The following PUM1 variants were observed in gnomAD, a reference collection of about 807,000 sequenced individuals.
PUM1 encodes the protein pumilio homolog 1.
PUM1 carries 13 observed loss-of-function variants against 131.8 expected under a neutral mutation model. The observed-to-expected ratio is 0.10, with a 90% CI of 0.06 to 0.16. The LOEUF (loss-of-function observed/expected upper bound fraction) is 0.16. PUM1 is among the 10% of genes least tolerant of loss of function. The probability of loss-of-function intolerance (pLI) is 1.00; values close to 1 mark genes in which losing one functional copy is unlikely to be tolerated. For synonymous variants in PUM1, 509 were observed against 556.5 expected (o/e 0.91, Z 1.20); for missense variants, 961 against 1,512.4 (o/e 0.64, Z 6.05).
intron 5 of PUM1, among the ~76,000 whole-genome samples, chr1:31,000,841 G>C (rs995102836): frequency 6.6e-6 from 1 of 152,164 alleles, no homozygotes; most frequent in African/African-American, 2.4e-5. Flanking sequence ...TGATTCCTTT[G>C]AAGTACAACA....
intron 3 of PUM1, among the ~76,000 whole-genome samples, chr1:31,028,003 T>C (rs917523095): frequency 2.0e-5 from 3 of 152,212 alleles, no homozygotes; most frequent in African/African-American, 7.2e-5. Flanking sequence ...CAAATGTCAC[T>C]TGTGGGCCTG....
chr1:30,975,476 T>G (rs1234684365), intron 9 of PUM1, among the ~76,000 whole-genome samples: 1 of 149,738 alleles, frequency 6.7e-6, no homozygotes, highest in Non-Finnish European at 1.5e-5. Flanking sequence ...TCAGCCTCCC[T>G]AATACCTGGG....
intron 7 of PUM1, among the ~76,000 whole-genome samples, chr1:30,984,868 G>A (rs1641487569): frequency 6.6e-6 from 1 of 151,844 alleles, no homozygotes; most frequent in Admixed American, 6.6e-5. Flanking sequence ...TTCTAAACCT[G>A]GAGGAGTAAT....
At chr1:30,933,857 T>C (rs1350540803) in intron 21 of PUM1, among the ~76,000 whole-genome samples, 2 of 152,132 alleles carry the variant, frequency 1.3e-5, no homozygotes, top group Non-Finnish European at 2.9e-5. Context: ...AGCTAATCAA[T>C]GACAAGAAGA....
intron 14 of PUM1, 118 bp downstream of exon 14, chr1:30,964,556 A>G (rs1640547150): frequency 4.7e-6 from 4 of 847,268 alleles, no homozygotes; most frequent in Non-Finnish European, 7.8e-6. Flanking sequence ...AAGGCACAGA[A>G]CACCCAGGAC....
At chr1:30,954,249 C>T (rs949299058) in intron 14 of PUM1, among the ~76,000 whole-genome samples, 17 of 152,106 alleles carry the variant, frequency 1.1e-4, no homozygotes, top group Non-Finnish European at 2.4e-4. Flanking sequence ...TTAGCATGGC[C>T]CCTAGTAAAT....
At chr1:31,017,060 C>T (rs1463455194) in intron 3 of PUM1, among the ~76,000 whole-genome samples, 1 of 152,098 alleles carries the variant, frequency 6.6e-6, no homozygotes, top group East Asian at 1.9e-4. Flanking sequence ...ATCAACACTG[C>T]TTTTCTGACT....
At chr1:31,013,146 T>G (rs1642683047) in intron 3 of PUM1, among the ~76,000 whole-genome samples, 1 of 152,218 alleles carries the variant, frequency 6.6e-6, no homozygotes, top group Non-Finnish European at 1.5e-5. Flanking sequence ...TGGCATCACC[T>G]AGGCCATGTC....
At chr1:31,056,795 T>C (rs1257903843) in intron 2 of PUM1, among the ~76,000 whole-genome samples, 1 of 151,370 alleles carries the variant, frequency 6.6e-6, no homozygotes, top group East Asian at 1.9e-4. Context: ...CCCAGCTAAT[T>C]TTTTACTTTA....
rs1221159272 is a variant in PUM1 at position 31,005,884 on chromosome 1, G to A, written c.689C>T (p.Pro230Leu). Residue 230 changes from proline (P) to leucine (L), a missense_variant, in exon 5 of 22, where the codon CCG becomes CTG. Around this residue, in one of 4 missense-constraint regions of PUM1, gnomAD observed 654 missense variants for 923.9 expected, o/e 0.71. Transcript: ENST00000426105. ...TCCTTTTCTTAGACAGGAATCGCCC[G>A]GGGATGAGCTCAACACATACTCCAC... ...SMVEYVLSSS[P>L]GDSCLRKGGF... is the part of the protein sequence containing the mutation. 8 of 1,607,870 alleles carry A rather than the reference G, an allele frequency of 5.0e-6. No individual in the cohort carries two copies. The highest frequency in any genetic ancestry group is 1.1e-5 in the South Asian group (1 of 89,776).
At chr1:31,037,672 A>G (rs1643657331) in intron 2 of PUM1, among the ~76,000 whole-genome samples, 1 of 151,992 alleles carries the variant, frequency 6.6e-6, no homozygotes, top group Non-Finnish European at 1.5e-5. Context: ...GCACCACTGC[A>G]CTCCAGCCCG....
At chr1:31,030,842 A>C (rs186527206) in intron 2 of PUM1, among the ~76,000 whole-genome samples, 15 of 152,350 alleles carry the variant, frequency 9.8e-5, no homozygotes, top group Non-Finnish European at 1.8e-4. Context: ...TATTTTAAAA[A>C]CGCACAGCCA....
chr1:31,056,609 CTTTTTTTTTTTTTTTTTTTTTTTT>C (rs57685772), intron 2 of PUM1, among the ~76,000 whole-genome samples: 1 of 43,690 alleles, frequency 2.3e-5, no homozygotes, highest in Non-Finnish European at 4.0e-5. Context: ...CTTTTCTTTT[CTTTTTTTTTTTTTTTTTTTTTTTT>C]TTTTTTTTTT....
At chr1:31,003,948 A>G (rs1221676859) in intron 5 of PUM1, among the ~76,000 whole-genome samples, 1 of 152,220 alleles carries the variant, frequency 6.6e-6, no homozygotes, top group Non-Finnish European at 1.5e-5. Context: ...GCTGGAACAC[A>G]GATTTGGAGA....
chr1:31,011,385 T>C (rs188425539), intron 3 of PUM1, among the ~76,000 whole-genome samples: 3 of 152,266 alleles, frequency 2.0e-5, no homozygotes, highest in South Asian at 2.1e-4. Flanking sequence ...TCCTTTTCAA[T>C]TGAAAAAAAG....
intron 2 of PUM1, chr1:31,055,195 A>G (rs1368268797): frequency 2.7e-6 from 1 of 372,194 alleles, no homozygotes; most frequent in African/African-American, 2.1e-5. Context: ...CCACCTAGAG[A>G]TGTGCCCCTT....
chr1:31,049,707 C>G (rs185349972), intron 2 of PUM1, among the ~76,000 whole-genome samples: 1 of 151,728 alleles, frequency 6.6e-6, no homozygotes, highest in African/African-American at 2.4e-5. Context: ...TTTAAAAAAC[C>G]TTCTAAAATT....
intron 2 of PUM1, among the ~76,000 whole-genome samples, chr1:31,044,333 C>T (rs530978611): frequency 8.2e-4 from 125 of 152,208 alleles, no homozygotes; most frequent in Non-Finnish European, 1.3e-3. Context: ...CCCCAGGGGG[C>T]GGAGCCTGCA....
chr1:31,042,335 TAAAATA>T (rs912228726), intron 2 of PUM1, among the ~76,000 whole-genome samples: 3 of 117,662 alleles, frequency 2.5e-5, no homozygotes, highest in African/African-American at 3.6e-5. Flanking sequence ...AATAAATAAA[TAAAATA>T]AAATAAAATA....
Sources: gnomAD v4.1 joint callset for allele counts (sites outside exome capture counted in the v4.1 genomes callset) on GRCh38, gnomAD v4.1.1 for gene constraint, gnomAD v4.1.1 regional missense constraint, MANE v1.5 for transcripts, NCBI Gene and HGNC (gene_info 2026-07-23, HGNC 2026-07-21) for gene names.